Variants in DSCC1 observed in about 807,000 individuals in gnomAD.
DSCC1 encodes DNA replication and sister chromatid cohesion 1, also known as sister chromatid cohesion protein DCC1.
DSCC1 carries 32 observed loss-of-function variants against 48.2 expected under a neutral mutation model. The ratio of observed to expected loss-of-function variants is 0.66; its 90% CI spans 0.50 to 0.89. The LOEUF (loss-of-function observed/expected upper bound fraction) is 0.89, where lower values mean the gene tolerates loss of function less well. Among genes scored for constraint, DSCC1 ranks in the 40% least tolerant of loss-of-function variants. The probability of loss-of-function intolerance (pLI) is 0.00; values close to 1 mark genes in which losing one functional copy is unlikely to be tolerated. For synonymous variants in DSCC1, 150 were observed against 171.5 expected, an observed-to-expected ratio of 0.87 and a Z score of 0.98; for missense variants, 421 against 471.7, an observed-to-expected ratio of 0.89 and a Z score of 1.00.
At chr8:119,855,187 G>A (rs191548222) in intron 1 of DSCC1, among the ~76,000 whole-genome samples, 27 of 152,310 alleles carry the variant, frequency 1.8e-4, no homozygotes, top group Non-Finnish European at 2.9e-5. Context: ...CAATTACCAA[G>A]TCTGTAAGCT....
In DSCC1 at chr8:119,846,996, T is replaced by A. The variant is rs1274902432; in HGVS notation, c.571A>T (p.Ile191Phe). Residue 191 changes from isoleucine (I) to phenylalanine (F), a missense_variant, in exon 4 of 9, where the codon ATT (isoleucine) becomes TTT (phenylalanine). This residue lies in a region of DSCC1 where 238 missense variants were observed against 259.0 expected (regional missense o/e 0.92). Coordinates refer to ENST00000313655, the MANE Select transcript of DSCC1 (RefSeq NM_024094.3). ...TAGTAGTAAGTAACGCTACCTCCAA[T>A]CTTACAGGCATTTAGAACTTGTAAT... ...TQLQVLNACK[I>F]GGYWRILEFD... 6.2e-7 allele frequency: 1 copy of A among 1,613,638 alleles called. No individual in the cohort carries two copies. The highest frequency in any genetic ancestry group is 8.5e-7 in the Non-Finnish European group (1 of 1,179,860).
chr8:119,834,858 G>GTTTAT lies in DSCC1; in HGVS notation c.*34_*35insATAAA, dbSNP rs1466052501. ...TTCTTCTATCCAGCAACTTTATAAA[G>GTTTAT]CAACTTGAGTCCTGAAGAAAAGACC... On this transcript the variant is annotated 3_prime_UTR_variant, in exon 9 of 9. Coordinates refer to ENST00000313655, the MANE Select transcript of DSCC1 (RefSeq NM_024094.3). 7.1e-7 allele frequency: 1 copy of GTTTAT among 1,404,142 alleles called. No homozygotes were observed. Among genetic ancestry groups the GTTTAT allele is most frequent in the Admixed American group, 1.8e-5 (1 of 54,628 alleles). The allele number at this position is 1,404,142 out of a possible 1,614,324, so 87.0% of individuals were successfully genotyped here. A position where few individuals can be genotyped will look rare whatever the true frequency, so the allele number is the denominator to read the frequency against.
At chr8:119,844,434 C>CAAA (rs1586579094) in intron 4 of DSCC1, among the ~76,000 whole-genome samples, 1 of 98,514 alleles carries the variant, frequency 1.0e-5, no homozygotes. Context: ...GAGACTGTCT[C>CAAA]CAAAAAAAAA....
chr8:119,845,306 G>A (rs757294911), intron 4 of DSCC1, among the ~76,000 whole-genome samples: 2 of 151,700 alleles, frequency 1.3e-5, no homozygotes, highest in African/African-American at 2.4e-5. Flanking sequence ...GGCTGGTCTC[G>A]AACTCCCGAC....
In DSCC1 at chr8:119,841,814, T is replaced by G. The variant is rs1374178570; in HGVS notation, c.904A>C (p.Thr302Pro). The part of the protein sequence containing the change: ...WQQSVPEGMV[T>P]SLDQLKGLAL... Reference sequence around the variant, plus strand: ...ATTACCTTAAGCTGATCAAGACTAGTTACCATTCCTTCAGGAACACTCTGC... The same window carrying G: ...ATTACCTTAAGCTGATCAAGACTAGGTACCATTCCTTCAGGAACACTCTGC... Residue 302 changes from threonine (T) to proline (P), a missense_variant, in exon 7 of 9, where the codon ACT becomes CCT. Physicochemically the swap from Thr to Pro is conservative, Grantham distance 38. This residue lies in a region of DSCC1 where 238 missense variants were observed against 259.0 expected (regional missense o/e 0.92). Coordinates refer to ENST00000313655, the MANE Select transcript of DSCC1 (RefSeq NM_024094.3). The G allele has an allele frequency of 1.9e-6, 3 of 1,613,856 alleles. No individual in the cohort carries two copies. The highest frequency in any genetic ancestry group is 2.5e-6 in the Non-Finnish European group (3 of 1,179,990).
At chr8:119,837,598 T>C (rs563208546) in intron 8 of DSCC1, among the ~76,000 whole-genome samples, 54 of 152,338 alleles carry the variant, frequency 3.5e-4, no homozygotes, top group African/African-American at 1.3e-3. Flanking sequence ...GGCAGCTTCA[T>C]TGTGTATTCT....
intron 6 of DSCC1, 87 bp downstream of exon 6, chr8:119,842,689 G>T: frequency 7.9e-7 from 1 of 1,260,218 alleles, no homozygotes; most frequent in Non-Finnish European, 1.1e-6. Context: ...CCCAGCCAGA[G>T]TTCTTATTTT....
At chr8:119,853,317 T>A in intron 1 of DSCC1, 102 bp from the exon 2 acceptor site, 2 of 1,241,480 alleles carry the variant, frequency 1.6e-6, no homozygotes, top group Non-Finnish European at 2.2e-6. Flanking sequence ...AACTTAGAAT[T>A]AAGTTTTGAT....
Position 119,834,930 on chromosome 8 carries a change from C to T in DSCC1, c.1145G>A (p.Gly382Asp), listed in dbSNP as rs761177938. Residue 382 changes from glycine (G) to aspartate (D), a missense_variant, in exon 9 of 9, where the codon GGT (glycine) becomes GAT (aspartate). Around this residue, in one of 3 missense-constraint regions of DSCC1, gnomAD observed 238 missense variants for 259.0 expected, o/e 0.92. Coordinates refer to ENST00000313655, the MANE Select transcript of DSCC1 (RefSeq NM_024094.3). ...TKYSHSSMQN[G>D]VKVYNSRRPI... ...TCTTCTCGAATTATAAACTTTAACA[C>T]CATTTTGCATCGAAGAATGAGAATA... is the stretch of plus-strand genomic sequence containing the variant. 17 of 1,610,768 alleles carry T rather than the reference C, an allele frequency of 1.1e-5. No homozygotes were observed. The highest frequency in any genetic ancestry group is 1.4e-5 in the Non-Finnish European group (17 of 1,178,072).
chr8:119,838,530 T>G, intron 7 of DSCC1, 123 bp from the exon 8 acceptor site: 1 of 1,188,660 alleles, frequency 8.4e-7, no homozygotes, highest in East Asian at 2.7e-5. Flanking sequence ...ACATGAAACT[T>G]AAACTATCCA....
At chr8:119,847,690 A>G (rs1027669774) in intron 3 of DSCC1, among the ~76,000 whole-genome samples, 3 of 136,674 alleles carry the variant, frequency 2.2e-5, no homozygotes, top group Non-Finnish European at 3.1e-5. Context: ...TTTGAGACGG[A>G]GTTTCGCTCT....
rs1277632402 is a variant in DSCC1, at chr8:119,841,788, T to C, written c.924+6A>G. ...GAAGTAAGGTGGCAATGTCTATTGC[T>C]ATTACCTTAAGCTGATCAAGACTAG... On this transcript the variant is annotated splice_donor_region_variant and intron_variant, in intron 7 of 8. Coordinates refer to ENST00000313655, the MANE Select transcript of DSCC1 (RefSeq NM_024094.3). 1.9e-6 allele frequency: 3 copies of C among 1,612,342 alleles called. No individual in the cohort carries two copies. The highest frequency in any genetic ancestry group is 1.7e-6 in the Non-Finnish European group (2 of 1,178,844).
intron 1 of DSCC1, among the ~76,000 whole-genome samples, chr8:119,854,716 T>G (rs1224994889): frequency 2.6e-5 from 4 of 152,204 alleles, no homozygotes; most frequent in Non-Finnish European, 4.4e-5. Flanking sequence ...TCCTCACACC[T>G]GAGTTCCTTT....
At chr8:119,838,238 C>G (rs772971491) in intron 8 of DSCC1, 21 bp downstream of exon 8, 7 of 1,521,982 alleles carry the variant, frequency 4.6e-6, no homozygotes, top group South Asian at 4.1e-5. Context: ...CCTCAAAATC[C>G]GTCTTTAATA....
At position 119,855,820 on chromosome 8, in the gene DSCC1, G is replaced by T; in HGVS notation, c.-25C>A. The stretch of plus-strand genomic sequence containing the variant: ...TCGCAGCGCCGGGTCTAGGAGTCCC[G>T]CCGCGCCCGGGTGGCTGCGGGCTTG... On this transcript the variant is annotated 5_prime_UTR_variant, in exon 1 of 9. Transcript: ENST00000313655. 2 of 1,434,930 alleles carry T rather than the reference G, an allele frequency of 1.4e-6. No individual in the cohort carries two copies. Among genetic ancestry groups the T allele is most frequent in the Non-Finnish European group, 9.1e-7 (1 of 1,094,300 alleles). The allele number at this position is 1,434,930 out of a possible 1,614,324, so 88.9% of individuals were successfully genotyped here.
chr8:119,835,635 G>A (rs1826669552), intron 8 of DSCC1, among the ~76,000 whole-genome samples: 1 of 152,160 alleles, frequency 6.6e-6, no homozygotes, highest in Non-Finnish European at 1.5e-5. Context: ...CACCAGGTTT[G>A]TACAACTTCA....
chr8:119,835,053 T>C (rs752079494), intron 8 of DSCC1, 52 bp from the exon 9 acceptor site: 9 of 1,198,460 alleles, frequency 7.5e-6, no homozygotes, highest in Non-Finnish European at 9.8e-6. Flanking sequence ...GAACATATTA[T>C]GATACAGTAC....
intron 1 of DSCC1, among the ~76,000 whole-genome samples, chr8:119,853,456 C>T (rs555107918): frequency 1.3e-5 from 2 of 151,462 alleles, no homozygotes; most frequent in Admixed American, 1.3e-4. Flanking sequence ...CAAGACAGAT[C>T]CATAGAGGCC....
intron 3 of DSCC1, among the ~76,000 whole-genome samples, chr8:119,847,589 CTG>C (rs1445550050): frequency 1.3e-5 from 2 of 152,034 alleles, no homozygotes; most frequent in Non-Finnish European, 2.9e-5. Context: ...GTGCTAATGA[CTG>C]CACACCACTA....
Sources: allele counts gnomAD v4.1 joint callset (sites outside exome capture counted in the v4.1 genomes callset), GRCh38; gene constraint gnomAD v4.1.1; regional missense constraint gnomAD v4.1.1; transcripts MANE v1.5; gene names NCBI Gene and HGNC (gene_info 2026-07-23, HGNC 2026-07-21).